Variants in SLC5A4 observed in about 807,000 individuals in gnomAD.
SLC5A4 encodes probable glucose sensor protein SLC5A4.
In SLC5A4, 55 loss-of-function variants were observed where a neutral mutation model predicts 70.3. That is an observed-to-expected ratio of 0.78 (90% confidence interval 0.63 to 0.98). The LOEUF (loss-of-function observed/expected upper bound fraction) is 0.98. Among genes scored for constraint, SLC5A4 ranks in the 50% least tolerant of loss-of-function variants. The probability of loss-of-function intolerance (pLI) is 0.00; values close to 1 mark genes in which losing one functional copy is unlikely to be tolerated. For synonymous variants in SLC5A4, 268 were observed against 305.7 expected (o/e 0.88, Z 1.29); for missense variants, 735 against 839.2 (o/e 0.88, Z 1.53).
At chr22:32,291,442 G>A in the SLC5A4 span, among the ~76,000 whole-genome samples, 1 of 152,154 alleles carries the variant, frequency 6.6e-6, no homozygotes, top group African/African-American at 2.4e-5. Context: ...CTCCCAAAGT[G>A]CTGGGATTAC....
the SLC5A4 span, among the ~76,000 whole-genome samples, chr22:32,303,531 C>T: frequency 2.9e-3 from 442 of 152,258 alleles, 4 homozygotes; most frequent in African/African-American, 0.01. Flanking sequence ...TCTGTCTGTC[C>T]TTTGTGCACA....
the SLC5A4 span, among the ~76,000 whole-genome samples, chr22:32,352,659 C>T: frequency 6.6e-6 from 1 of 152,146 alleles, no homozygotes; most frequent in African/African-American, 2.4e-5. Flanking sequence ...GGGCTGCCCC[C>T]CAACGCTCCG....
At chr22:32,234,780 T>G in intron 8 of SLC5A4, 93 bp downstream of exon 8, 2 of 934,504 alleles carry the variant, frequency 2.1e-6, no homozygotes, top group African/African-American at 3.3e-5. Context: ...ACTAAATGTT[T>G]TTCTATGAGA....
chr22:32,304,468 A>G, the SLC5A4 span, among the ~76,000 whole-genome samples: 1 of 152,040 alleles, frequency 6.6e-6, no homozygotes, highest in Non-Finnish European at 1.5e-5. Context: ...TTTTTGAGAC[A>G]GGGTCTCACT....
At chr22:32,339,392 G>C in the SLC5A4 span, among the ~76,000 whole-genome samples, 1 of 152,278 alleles carries the variant, frequency 6.6e-6, no homozygotes, top group South Asian at 2.1e-4. Context: ...AGACTCAGGA[G>C]AGCTACTGGC....
intron 3 of SLC5A4, among the ~76,000 whole-genome samples, chr22:32,251,360 C>T (rs1363629604): frequency 2.0e-5 from 3 of 151,924 alleles, no homozygotes; most frequent in South Asian, 4.2e-4. Flanking sequence ...GGGCTCTTCC[C>T]TCATAAACAG....
intron 3 of SLC5A4, among the ~76,000 whole-genome samples, chr22:32,249,900 T>G (rs1478228265): frequency 6.6e-6 from 1 of 150,876 alleles, no homozygotes; most frequent in Non-Finnish European, 1.5e-5. Context: ...ATAATAAGGT[T>G]TTTTGGTGAT....
In SLC5A4 at chr22:32,237,264, G is replaced by T; in HGVS notation, c.644C>A (p.Ser215Tyr). 1 of 1,609,878 alleles carries T rather than the reference G, an allele frequency of 6.2e-7. No homozygotes were observed. Residue 215 changes from serine (S) to tyrosine (Y), a missense_variant, in exon 7 of 15, where the codon TCT becomes TAT. Physicochemically the swap from Ser to Tyr is moderately radical, Grantham distance 144. Transcript: ENST00000266086. ...CTTACCAAACCCCATGAGAATAAAA[G>T]AGCCAATCAGCATGATGATGGTCTG... ...TLQTIIMLIG[S>Y]FILMGFAFNE...
At position 32,221,024 on chromosome 22, in the gene SLC5A4, T is replaced by A; in HGVS notation, c.1666-2A>T. On this transcript the variant is annotated splice_acceptor_variant, in intron 13 of 14. Transcript: ENST00000266086. LOFTEE classifies it high-confidence loss of function. ...AAGAACCCAGCACAGGCGGTACAGC[T>A]GAACAGGGACCATACAAAAGTGCAT... is the stretch of plus-strand genomic sequence containing the variant. 1.2e-6 allele frequency: 2 copies of A among 1,603,956 alleles called. No homozygotes were observed. The highest frequency in any genetic ancestry group is 1.7e-6 in the Non-Finnish European group (2 of 1,170,786).
At chr22:32,315,072 G>T in the SLC5A4 span, among the ~76,000 whole-genome samples, 1 of 152,110 alleles carries the variant, frequency 6.6e-6, no homozygotes, top group South Asian at 2.1e-4. Context: ...ACTTAAAAAT[G>T]GTTAAAATGG....
At chr22:32,306,186 C>G in the SLC5A4 span, among the ~76,000 whole-genome samples, 1 of 152,196 alleles carries the variant, frequency 6.6e-6, no homozygotes, top group African/African-American at 2.4e-5. Context: ...TGTATATAGG[C>G]CGGGCGCGGT....
chr22:32,263,244 G>A, the SLC5A4 span, among the ~76,000 whole-genome samples: 3 of 151,510 alleles, frequency 2.0e-5, no homozygotes, highest in East Asian at 5.8e-4. Flanking sequence ...CTGGGTTCAA[G>A]TGATTCAGCC....
At chr22:32,252,587 T>C (rs963654251) in intron 2 of SLC5A4, among the ~76,000 whole-genome samples, 5 of 152,182 alleles carry the variant, frequency 3.3e-5, no homozygotes, top group Admixed American at 3.3e-4. Flanking sequence ...TAGAAAACTC[T>C]AAAGTATTTA....
chr22:32,279,142 G>A, the SLC5A4 span, among the ~76,000 whole-genome samples: 1 of 152,156 alleles, frequency 6.6e-6, no homozygotes, highest in South Asian at 2.1e-4. Context: ...CGGGCGTGGT[G>A]GCGGGCACCT....
At chr22:32,245,667 C>T (rs5998334) in intron 5 of SLC5A4, among the ~76,000 whole-genome samples, 12,680 of 152,158 alleles carry the variant, frequency 0.083, 1,180 homozygotes, top group African/African-American at 0.23. Flanking sequence ...ACTACAGGTG[C>T]ATGCCACAAT....
intron 3 of SLC5A4, among the ~76,000 whole-genome samples, chr22:32,251,149 C>CAAAAAAAAAAAAAAAAAAAAAAAAA (rs1169115054): frequency 4.4e-5 from 1 of 22,768 alleles, no homozygotes; most frequent in African/African-American, 1.4e-4. Context: ...AACAAATAAG[C>CAAAAAAAAAAAAAAAAAAAAAAAAA]AAAAAAAAAA....
the SLC5A4 span, among the ~76,000 whole-genome samples, chr22:32,286,899 T>C: frequency 5.3e-5 from 8 of 152,174 alleles, no homozygotes; most frequent in African/African-American, 9.7e-5. Context: ...ACTAACTTGA[T>C]ACAGGATTGA....
the SLC5A4 span, chr22:32,270,929 A>G: frequency 3.5e-6 from 2 of 566,902 alleles, no homozygotes; most frequent in Non-Finnish European, 6.6e-6. Context: ...TGGCATGTTC[A>G]CCACTGAGAG....
the SLC5A4 span, among the ~76,000 whole-genome samples, chr22:32,289,236 A>T: frequency 0.26 from 38,997 of 152,002 alleles, 5,029 homozygotes; most frequent in East Asian, 0.31. Flanking sequence ...TTTTCTATTA[A>T]AGAAAAAATG....
Sources: gnomAD v4.1 joint callset for allele counts (sites outside exome capture counted in the v4.1 genomes callset) on GRCh38, gnomAD v4.1.1 for gene constraint, MANE v1.5 for transcripts, NCBI Gene and HGNC (gene_info 2026-07-23, HGNC 2026-07-21) for gene names.